Variants in PPARA observed in about 807,000 individuals in gnomAD.
PPARA encodes peroxisome proliferator activated receptor alpha.
In PPARA, 22 loss-of-function variants were observed where a neutral mutation model predicts 42.2. That is an observed-to-expected ratio of 0.52 (90% CI 0.37 to 0.74). PPARA has a LOEUF of 0.74. Among genes scored for constraint, PPARA ranks in the 30% least tolerant of loss-of-function variants. The pLI is 0.00. For synonymous variants in PPARA, 242 were observed against 239.3 expected (o/e 1.01, Z -0.10); for missense variants, 465 against 608.2 (o/e 0.76, Z 2.48).
At position 46,200,224 on chromosome 22, in the gene PPARA, G is replaced by A. The variant is rs1479056996; in HGVS notation, c.208+1633G>A. Among the ~76,000 whole-genome samples the A allele has an allele frequency of 6.6e-6, 1 of 152,206 alleles. No individual in the cohort carries two copies. ...AGACTTCAGCAGTGTGATAAACCTG[G>A]GTGGTGTGTACATGGGTATTACAGT... On this transcript the variant is annotated intron_variant, in intron 4 of 8. Transcript: ENST00000407236. The surrounding 1 kb of genome is among the most constrained non-coding windows in gnomAD (Gnocchi z 4.8).
chr22:46,177,542 A>C (rs1315941773), intron 3 of PPARA, among the ~76,000 whole-genome samples: 1 of 152,172 alleles, frequency 6.6e-6, no homozygotes, highest in African/African-American at 2.4e-5. Context: ...ATGTAGTCTA[A>C]ATTTTGGAAT....
chr22:46,191,858 G>T lies in PPARA; in HGVS notation c.-42-6484G>T, dbSNP rs1369189912. On this transcript the variant is annotated intron_variant, in intron 3 of 8. Coordinates refer to ENST00000407236, the MANE Select transcript of PPARA (RefSeq NM_005036.6). The surrounding 1 kb of genome is among the most constrained non-coding windows in gnomAD (Gnocchi z 4.6). ...TGAGGCGGGCAGATCACGAGGTCAAGAGATCAAGACCATCCTGGCCAACAT... is the reference window on the plus strand; with the variant it reads ...TGAGGCGGGCAGATCACGAGGTCAATAGATCAAGACCATCCTGGCCAACAT... 6.6e-6 allele frequency among the ~76,000 whole-genome samples: 1 copy of T among 152,236 alleles called. No homozygotes were observed. Among genetic ancestry groups the T allele is most frequent in the Non-Finnish European group, 1.5e-5 (1 of 68,034 alleles).
chr22:46,240,333 C>G lies in PPARA; in HGVS notation c.*4953C>G, dbSNP rs752634447. 2.6e-4 allele frequency: 103 copies of G among 397,912 alleles called. No homozygotes were observed. The highest frequency in any genetic ancestry group is 2.6e-4 in the Non-Finnish European group (58 of 225,858). 24.6% of individuals were successfully genotyped at this position (397,912 alleles called of 1,614,324 possible). A position where few individuals can be genotyped will look rare whatever the true frequency, so the allele number is the denominator to read the frequency against. On this transcript the variant is annotated 3_prime_UTR_variant, in exon 9 of 9. Transcript: ENST00000407236. This position sits in a 1 kb window ranked among gnomAD's most constrained non-coding sequence, Gnocchi z 6.0. ...CTGCTGGGTGTTGCTAGCCGCTGGTCCCCAGGCACGGTGCACTTTCTCCAC... is the reference window on the plus strand; with the variant it reads ...CTGCTGGGTGTTGCTAGCCGCTGGTGCCCAGGCACGGTGCACTTTCTCCAC...
At position 46,188,451 on chromosome 22, in the gene PPARA, TCC is replaced by T. The variant is rs1987095864; in HGVS notation, c.-42-9889_-42-9888del. ...TGGGTGTCCCTTCCTGTATGTAGGCTCCCTGGCCCTCCAGGATTCCCCCAGTA... is the reference window on the plus strand; with the variant it reads ...TGGGTGTCCCTTCCTGTATGTAGGCTCTGGCCCTCCAGGATTCCCCCAGTA... On this transcript the variant is annotated intron_variant, in intron 3 of 8. Coordinates refer to ENST00000407236, the MANE Select transcript of PPARA (RefSeq NM_005036.6). This position sits in a 1 kb window ranked among gnomAD's most constrained non-coding sequence, Gnocchi z 5.0. Among the ~76,000 whole-genome samples the T allele has an allele frequency of 6.6e-6, 1 of 152,058 alleles. No individual in the cohort carries two copies. The highest frequency in any genetic ancestry group is 6.6e-5 in the Admixed American group (1 of 15,260).
At position 46,181,515 on chromosome 22, in the gene PPARA, G is replaced by A. The variant is rs533894108; in HGVS notation, c.-43+4679G>A. ...AGGGCGGGATGGGAGGAAAAGCATCGAAACCCACTCCTCTGGGGTGCATGT... is the reference window on the plus strand; with the variant it reads ...AGGGCGGGATGGGAGGAAAAGCATCAAAACCCACTCCTCTGGGGTGCATGT... On this transcript the variant is annotated intron_variant, in intron 3 of 8. Coordinates refer to ENST00000407236, the MANE Select transcript of PPARA (RefSeq NM_005036.6). 2.4e-4 allele frequency among the ~76,000 whole-genome samples: 36 copies of A among 152,274 alleles called. No individual in the cohort carries two copies. The South Asian group carries it at 4.6e-3, about 19-fold the overall frequency.
intron 3 of PPARA, among the ~76,000 whole-genome samples, chr22:46,197,420 G>T (rs538176163): frequency 2.0e-5 from 3 of 152,178 alleles, no homozygotes; most frequent in Admixed American, 2.0e-4. Context: ...CGACAGCTGC[G>T]CAGTCAGTGA....
At chr22:46,228,206 C>T (rs991250317) in intron 7 of PPARA, among the ~76,000 whole-genome samples, 12 of 152,330 alleles carry the variant, frequency 7.9e-5, no homozygotes, top group South Asian at 2.1e-4. Context: ...GTTCATGCTC[C>T]GCTGTTGCCT....
rs1195738186 is a variant in PPARA at position 46,196,185 on chromosome 22, A to C, written c.-42-2157A>C. Among the ~76,000 whole-genome samples, 1 of 152,216 alleles carries C rather than the reference A, an allele frequency of 6.6e-6. No individual in the cohort carries two copies. Among genetic ancestry groups the C allele is most frequent in the East Asian group, 1.9e-4 (1 of 5,192 alleles). ...TGGTTTAGGATGTTTCAGCGAGAGC[A>C]TGATACAGACTAACCCAGGAAGAAC... On this transcript the variant is annotated intron_variant, in intron 3 of 8. Transcript: ENST00000407236. This position sits in a 1 kb window ranked among gnomAD's most constrained non-coding sequence, Gnocchi z 5.6.
Position 46,227,375 on chromosome 22 carries a change from C to T in PPARA, c.712-4417C>T, listed in dbSNP as rs1008367945. On this transcript the variant is annotated intron_variant, in intron 7 of 8. Transcript: ENST00000407236. This position sits in a 1 kb window ranked among gnomAD's most constrained non-coding sequence, Gnocchi z 4.3. ...CAAGCGATTCTCCTGCCTCAGCCTCCTAAGTAGCTGGGATTACAGGTGCCA... is the reference window on the plus strand; with the variant it reads ...CAAGCGATTCTCCTGCCTCAGCCTCTTAAGTAGCTGGGATTACAGGTGCCA... 1.3e-5 allele frequency among the ~76,000 whole-genome samples: 2 copies of T among 152,158 alleles called. No homozygotes were observed. The highest frequency in any genetic ancestry group is 4.8e-5 in the African/African-American group (2 of 41,436).
Position 46,180,310 on chromosome 22 carries a change from C to T in PPARA, c.-43+3474C>T, listed in dbSNP as rs1442019578. 6.6e-6 allele frequency among the ~76,000 whole-genome samples: 1 copy of T among 150,816 alleles called. No individual in the cohort carries two copies. The highest frequency in any genetic ancestry group is 1.5e-5 in the Non-Finnish European group (1 of 67,866). ...ATTAGAAAAATAATAATAAAGGTAA[C>T]AATAGCAGTAATAATAATAGAAATA... On this transcript the variant is annotated intron_variant, in intron 3 of 8. Transcript: ENST00000407236. The surrounding 1 kb of genome is among the most constrained non-coding windows in gnomAD (Gnocchi z 4.2).
rs921350948 is a variant in PPARA, at chr22:46,221,945, C to G, written c.711+1931C>G. ...ACAAAAAATTAGCTGGGCATGGTAG[C>G]GGTTGCCTGTAATCCCAGCTACTTG... On this transcript the variant is annotated intron_variant, in intron 7 of 8. Transcript: ENST00000407236. This position sits in a 1 kb window ranked among gnomAD's most constrained non-coding sequence, Gnocchi z 5.9. Among the ~76,000 whole-genome samples, 1 of 151,890 alleles carries G rather than the reference C, an allele frequency of 6.6e-6. No individual in the cohort carries two copies. The highest frequency in any genetic ancestry group is 1.5e-5 in the Non-Finnish European group (1 of 67,974).
In PPARA at chr22:46,241,547, AAG is replaced by A. The variant is rs1229673729; in HGVS notation, c.*6171_*6172del. On this transcript the variant is annotated 3_prime_UTR_variant, in exon 9 of 9. Coordinates refer to ENST00000407236, the MANE Select transcript of PPARA (RefSeq NM_005036.6). The surrounding 1 kb of genome is among the most constrained non-coding windows in gnomAD (Gnocchi z 5.7). The stretch of plus-strand genomic sequence containing the variant: ...ATGTGTGTGGCCTTATCAGAACAGA[AAG>A]AGACAGGCTGGTGCCCAAGGCTGCT... 6.6e-6 allele frequency: 1 copy of A among 152,250 alleles called. No individual in the cohort carries two copies. The highest frequency in any genetic ancestry group is 1.5e-5 in the Non-Finnish European group (1 of 68,046). 9.4% of individuals were successfully genotyped at this position (152,250 alleles called of 1,614,324 possible). A position where few individuals can be genotyped will look rare whatever the true frequency, so the allele number is the denominator to read the frequency against.
rs1430835820 is a variant in PPARA, at chr22:46,221,765, CT to C, written c.711+1753del. On this transcript the variant is annotated intron_variant, in intron 7 of 8. Transcript: ENST00000407236. The surrounding 1 kb of genome is among the most constrained non-coding windows in gnomAD (Gnocchi z 5.9). Reference sequence around the variant, plus strand: ...AGTGAGCCGAGATCGTGCCACTGCACTTCCAGCCTGGGCGACAAAGCCAGCT... The same window carrying C: ...AGTGAGCCGAGATCGTGCCACTGCACTCCAGCCTGGGCGACAAAGCCAGCT... Among the ~76,000 whole-genome samples the C allele has an allele frequency of 1.3e-5, 2 of 152,014 alleles. No homozygotes were observed. Among genetic ancestry groups the C allele is most frequent in the Non-Finnish European group, 2.9e-5 (2 of 67,956 alleles).
At chr22:46,159,744 A>C (rs918229484) in intron 2 of PPARA, among the ~76,000 whole-genome samples, 1 of 152,356 alleles carries the variant, frequency 6.6e-6, no homozygotes, top group South Asian at 2.1e-4. Context: ...GGAGAGGGCT[A>C]TCCTGGGAAG....
At position 46,238,754 on chromosome 22, in the gene PPARA, C is replaced by T. The variant is rs1343747204; in HGVS notation, c.*3374C>T. The T allele has an allele frequency of 6.6e-6, 1 of 152,564 alleles. No individual in the cohort carries two copies. The highest frequency in any genetic ancestry group is 1.5e-5 in the Non-Finnish European group (1 of 68,308). 9.5% of individuals were successfully genotyped at this position (152,564 alleles called of 1,614,324 possible). A position where few individuals can be genotyped will look rare whatever the true frequency, so the allele number is the denominator to read the frequency against. On this transcript the variant is annotated 3_prime_UTR_variant, in exon 9 of 9. Transcript: ENST00000407236. The surrounding 1 kb of genome is among the most constrained non-coding windows in gnomAD (Gnocchi z 8.3). Reference sequence around the variant, plus strand: ...GCCTGGCGGCGCATCCCTCCTCTCCCACCTCCTGGCACTTCCAGCTGGGTG... The same window carrying T: ...GCCTGGCGGCGCATCCCTCCTCTCCTACCTCCTGGCACTTCCAGCTGGGTG...
rs535335957 is a variant in PPARA, at chr22:46,230,674, G to A, written c.712-1118G>A. ...GATGGCATGGGAGCACACAAGGCAC[G>A]GCTGTGGGGAGTTGGCACTTGCTCC... On this transcript the variant is annotated intron_variant, in intron 7 of 8. Transcript: ENST00000407236. This position sits in a 1 kb window ranked among gnomAD's most constrained non-coding sequence, Gnocchi z 5.0. Among the ~76,000 whole-genome samples, 9 of 152,312 alleles carry A rather than the reference G, an allele frequency of 5.9e-5. No homozygotes were observed. Among genetic ancestry groups the A allele is most frequent in the East Asian group, 1.9e-4 (1 of 5,178 alleles).
chr22:46,238,437 G>A lies in PPARA; in HGVS notation c.*3057G>A, dbSNP rs963441980. 2.6e-5 allele frequency: 4 copies of A among 152,224 alleles called. No homozygotes were observed. Among genetic ancestry groups the A allele is most frequent in the Non-Finnish European group, 5.9e-5 (4 of 68,042 alleles). 9.4% of individuals were successfully genotyped at this position (152,224 alleles called of 1,614,324 possible). A position where few individuals can be genotyped will look rare whatever the true frequency, so the allele number is the denominator to read the frequency against. ...AGCCAAAAGAACAAAAGAGATGTCA[G>A]GACAGATTCCAGGAGTGTCGGAGCA... On this transcript the variant is annotated 3_prime_UTR_variant, in exon 9 of 9. Coordinates refer to ENST00000407236, the MANE Select transcript of PPARA (RefSeq NM_005036.6). This position sits in a 1 kb window ranked among gnomAD's most constrained non-coding sequence, Gnocchi z 8.3.
intron 2 of PPARA, among the ~76,000 whole-genome samples, chr22:46,166,284 T>C (rs9626730): frequency 0.2 from 29,731 of 152,016 alleles, 3,525 homozygotes; most frequent in African/African-American, 0.34. Context: ...TTGTCTACTC[T>C]TTGTCTCTCA....
chr22:46,217,601 A>G (rs1934603073), intron 5 of PPARA, among the ~76,000 whole-genome samples: 1 of 152,134 alleles, frequency 6.6e-6, no homozygotes, highest in South Asian at 2.1e-4. Context: ...AAATATGGAA[A>G]TGTCACAATG....
Sources: allele counts gnomAD v4.1 joint callset (sites outside exome capture counted in the v4.1 genomes callset), GRCh38; gene constraint gnomAD v4.1.1; non-coding constraint Gnocchi (gnomAD v3.1); transcripts MANE v1.5; gene names NCBI Gene and HGNC (gene_info 2026-07-23, HGNC 2026-07-21).